The following PRKACB variants were observed in gnomAD, a reference collection of about 807,000 sequenced individuals.
The protein encoded by PRKACB is protein kinase cAMP-activated catalytic subunit beta.
In PRKACB, 16 loss-of-function variants were observed where a neutral mutation model predicts 51.4. The ratio of observed to expected loss-of-function variants is 0.31; its 90% CI spans 0.21 to 0.47. PRKACB has a LOEUF of 0.47. PRKACB is among the 20% of genes least tolerant of loss of function. The pLI is 1.00. For missense variants in PRKACB, 309 were observed against 464.5 expected (o/e 0.67, Z 3.08); for synonymous variants, 147 against 154.4 (o/e 0.95, Z 0.35).
At chr1:84,234,600 A>G (rs1188997312) in intron 9 of PRKACB, among the ~76,000 whole-genome samples, 1 of 152,204 alleles carries the variant, frequency 6.6e-6, no homozygotes, top group East Asian at 1.9e-4. Context: ...AGCCAGGTGC[A>G]GGATATAATC....
At chr1:84,226,915 A>C (rs1450777952) in intron 9 of PRKACB, among the ~76,000 whole-genome samples, 1 of 152,162 alleles carries the variant, frequency 6.6e-6, no homozygotes, top group Non-Finnish European at 1.5e-5. Context: ...AGGTTAACAA[A>C]ACATTGTTGA....
At chr1:84,164,153 A>G (rs1440889633) in intron 1 of PRKACB, 6 of 456,826 alleles carry the variant, frequency 1.3e-5, no homozygotes, top group Non-Finnish European at 1.7e-5. Flanking sequence ...ATGCAGATAT[A>G]CATATATGTA....
chr1:84,223,326 G>C (rs897742539), intron 9 of PRKACB, among the ~76,000 whole-genome samples: 1 of 148,754 alleles, frequency 6.7e-6, no homozygotes, highest in African/African-American at 2.5e-5. Flanking sequence ...TTCATTCATT[G>C]AATTCTTCAG....
At chr1:84,220,526 TAG>T (rs1388353682) in intron 9 of PRKACB, among the ~76,000 whole-genome samples, 2 of 152,186 alleles carry the variant, frequency 1.3e-5, no homozygotes. Flanking sequence ...GTCCAATTCT[TAG>T]AGGAAAGGCT....
chr1:84,190,673 A>G (rs372240239), intron 5 of PRKACB, among the ~76,000 whole-genome samples: 2 of 152,120 alleles, frequency 1.3e-5, no homozygotes, highest in African/African-American at 2.4e-5. Flanking sequence ...AAACTCTCTG[A>G]CCAGGAAATC....
chr1:84,153,487 G>A lies in PRKACB; in HGVS notation c.187+8939G>A, dbSNP rs566040987. ...ATTAACTGCAGTTACCATTCTATAC[G>A]ATGAATCTCCAGGACTTATTCATCC... On this transcript the variant is annotated intron_variant, in intron 1 of 9. Coordinates refer to ENST00000370685, the MANE Select transcript of PRKACB (RefSeq NM_182948.4). Among the ~76,000 whole-genome samples the A allele has an allele frequency of 5.3e-5, 8 of 152,162 alleles. No individual in the cohort carries two copies. In the South Asian group the frequency reaches 8.3e-4, roughly 16 times the overall value.
At chr1:84,215,945 A>C (rs1345739159) in intron 9 of PRKACB, among the ~76,000 whole-genome samples, 9 of 152,216 alleles carry the variant, frequency 5.9e-5, no homozygotes, top group South Asian at 2.1e-4. Flanking sequence ...AATGCTGTGC[A>C]ACTACATGAT....
In PRKACB at chr1:84,207,530, A is replaced by G. The variant is rs76704988; in HGVS notation, c.906+4725A>G. 2.3e-3 allele frequency among the ~76,000 whole-genome samples: 355 copies of G among 152,286 alleles called. 2 individuals are homozygous for G. The highest frequency in any genetic ancestry group is 7.8e-3 in the African/African-American group (326 of 41,570). ...GTGTATGTTCATTTTTGATCAATCAATTCTTTACTGGGATTGCAGATATTT... is the reference window on the plus strand; with the variant it reads ...GTGTATGTTCATTTTTGATCAATCAGTTCTTTACTGGGATTGCAGATATTT... On this transcript the variant is annotated intron_variant, in intron 8 of 9. Coordinates refer to ENST00000370685, the MANE Select transcript of PRKACB (RefSeq NM_182948.4).
At chr1:84,111,828 G>GATAT (rs569118584) in intron 1 of PRKACB, among the ~76,000 whole-genome samples, 2,258 of 151,796 alleles carry the variant, frequency 0.015, 64 homozygotes, top group African/African-American at 0.051. Context: ...TGCAAGACCT[G>GATAT]ATATATATAT....
At chr1:84,223,839 G>A (rs1053763787) in intron 9 of PRKACB, among the ~76,000 whole-genome samples, 1 of 151,976 alleles carries the variant, frequency 6.6e-6, no homozygotes, top group Non-Finnish European at 1.5e-5. Context: ...TTGTTTAATT[G>A]GAATCTGTTG....
chr1:84,152,455 G>A (rs753302819), intron 1 of PRKACB, among the ~76,000 whole-genome samples: 1 of 152,126 alleles, frequency 6.6e-6, no homozygotes, highest in Non-Finnish European at 1.5e-5. Flanking sequence ...GTTCTAGATG[G>A]CATCTTCTTC....
upstream of PRKACB, among the ~76,000 whole-genome samples, chr1:84,141,253 T>TA (rs762270936): frequency 7.9e-5 from 12 of 152,112 alleles, no homozygotes; most frequent in Non-Finnish European, 1.8e-4. Flanking sequence ...TAGTGCGAAT[T>TA]AAAGTTGTGG....
intron 1 of PRKACB, among the ~76,000 whole-genome samples, chr1:84,131,208 T>G (rs977030841): frequency 1.3e-5 from 2 of 151,924 alleles, no homozygotes; most frequent in Admixed American, 1.3e-4. Flanking sequence ...AAATACAAAA[T>G]TAGGTAGTCG....
At chr1:84,210,579 G>A (rs1284342069) in intron 8 of PRKACB, among the ~76,000 whole-genome samples, 1 of 152,056 alleles carries the variant, frequency 6.6e-6, no homozygotes, top group Non-Finnish European at 1.5e-5. Flanking sequence ...TGAGAGTTTA[G>A]ACTCAATTAA....
At chr1:84,160,355 C>G (rs1054822608) in intron 1 of PRKACB, among the ~76,000 whole-genome samples, 2 of 151,358 alleles carry the variant, frequency 1.3e-5, no homozygotes, top group South Asian at 4.2e-4. Flanking sequence ...TATAGTATTC[C>G]TTTATAATCC....
intron 1 of PRKACB, among the ~76,000 whole-genome samples, chr1:84,137,443 T>C (rs2100575559): frequency 6.6e-6 from 1 of 152,296 alleles, no homozygotes; most frequent in South Asian, 2.1e-4. Context: ...TACATGGCAT[T>C]ATGCATTTGT....
At chr1:84,205,942 C>CTGAG (rs745466603) in intron 8 of PRKACB, among the ~76,000 whole-genome samples, 49 of 152,210 alleles carry the variant, frequency 3.2e-4, no homozygotes, top group Non-Finnish European at 7.1e-4. Flanking sequence ...AATACATATG[C>CTGAG]TGAGTTTCTG....
At chr1:84,095,104 C>T (rs998108810) in intron 1 of PRKACB, among the ~76,000 whole-genome samples, 2 of 151,954 alleles carry the variant, frequency 1.3e-5, no homozygotes, top group Non-Finnish European at 2.9e-5. Flanking sequence ...CTATGATGTT[C>T]GTACAGTGAC....
At chr1:84,210,712 C>T (rs906742499) in intron 8 of PRKACB, among the ~76,000 whole-genome samples, 2 of 152,112 alleles carry the variant, frequency 1.3e-5, no homozygotes, top group African/African-American at 4.8e-5. Context: ...TAGATAGTCG[C>T]TCTTCCCATC....
Sources: gnomAD v4.1 joint callset for allele counts (sites outside exome capture counted in the v4.1 genomes callset) on GRCh38, gnomAD v4.1.1 for gene constraint, MANE v1.5 for transcripts, NCBI Gene and HGNC (gene_info 2026-07-23, HGNC 2026-07-21) for gene names.